Variants in NPR3 observed in about 807,000 individuals in gnomAD.
NPR3 encodes atrial natriuretic peptide receptor 3.
NPR3 carries 34 observed loss-of-function variants against 54.5 expected under a neutral mutation model. The ratio of observed to expected loss-of-function variants is 0.62; its 90% confidence interval spans 0.47 to 0.83. NPR3 has a LOEUF of 0.83. NPR3 is among the 40% of genes least tolerant of loss of function. The pLI is 0.00. For missense variants in NPR3, 674 were observed against 720.8 expected, an observed-to-expected ratio of 0.94 and a Z score of 0.74; for synonymous variants, 289 against 297.1, an observed-to-expected ratio of 0.97 and a Z score of 0.28.
intron 3 of NPR3, among the ~76,000 whole-genome samples, chr5:32,754,619 A>AT (rs570603844): frequency 1.3e-5 from 2 of 151,902 alleles, no homozygotes; most frequent in African/African-American, 2.4e-5. Context: ...TTATCTTCTG[A>AT]TTTTTTTTCT....
intron 4 of NPR3, among the ~76,000 whole-genome samples, chr5:32,777,240 G>A (rs991628262): frequency 1.3e-4 from 20 of 152,170 alleles, no homozygotes; most frequent in Non-Finnish European, 2.5e-4. Flanking sequence ...GGTCCTTATG[G>A]CTGCTATGTG....
At chr5:32,777,354 C>T (rs1167142954) in intron 4 of NPR3, among the ~76,000 whole-genome samples, 5 of 152,214 alleles carry the variant, frequency 3.3e-5, no homozygotes, top group African/African-American at 1.2e-4. Context: ...AACTAGTAAC[C>T]TTGTCCTCTG....
chr5:32,730,760 G>C (rs1739407149), intron 2 of NPR3, among the ~76,000 whole-genome samples: 1 of 152,128 alleles, frequency 6.6e-6, no homozygotes, highest in Non-Finnish European at 1.5e-5. Context: ...ATTAAAAAAT[G>C]TCTAAGTTTT....
chr5:32,710,174 C>G (rs183417982), upstream of NPR3: 1 of 152,298 alleles, frequency 6.6e-6, no homozygotes, highest in African/African-American at 2.4e-5. Context: ...TCCCTCCGGT[C>G]TCCACCGCTG....
chr5:32,776,639 T>G (rs985874311), intron 4 of NPR3, among the ~76,000 whole-genome samples: 5 of 152,194 alleles, frequency 3.3e-5, no homozygotes, highest in African/African-American at 1.2e-4. Flanking sequence ...GCCTTGCAGA[T>G]ATCAACTCTA....
rs145072115 is a variant in NPR3 at position 32,789,487 on chromosome 5, C to T, written c.*3142C>T. 10 of 534,574 alleles carry T rather than the reference C, an allele frequency of 1.9e-5. No homozygotes were observed. The highest frequency in any genetic ancestry group is 3.5e-5 in the Non-Finnish European group (9 of 260,092). The allele number at this position is 534,574 out of a possible 1,614,324, so 33.1% of individuals were successfully genotyped here. A position where few individuals can be genotyped will look rare whatever the true frequency, so the allele number is the denominator to read the frequency against. On this transcript the variant is annotated 3_prime_UTR_variant, in exon 8 of 8. Transcript: ENST00000265074. ...AACCACAGGAATGGTTCTACAGACC[C>T]TACTATAATTCTTCACATTTCAGAA...
chr5:32,754,376 A>C (rs544448495), intron 3 of NPR3, among the ~76,000 whole-genome samples: 1 of 151,940 alleles, frequency 6.6e-6, no homozygotes, highest in South Asian at 2.1e-4. Context: ...AAGCTCAAGC[A>C]CTTTGAGTGA....
intron 2 of NPR3, among the ~76,000 whole-genome samples, chr5:32,735,386 G>A (rs773686035): frequency 6.6e-6 from 1 of 150,880 alleles, no homozygotes; most frequent in Non-Finnish European, 1.5e-5. Flanking sequence ...CTCACGCACA[G>A]TGCTCTGCCT....
rs1561087735 is a variant in NPR3, at chr5:32,726,188, T to TCC, written c.892+1368_892+1369insCC. Among the ~76,000 whole-genome samples the TCC allele has an allele frequency of 2.6e-5, 4 of 152,308 alleles. No individual in the cohort carries two copies. In the South Asian group the frequency reaches 8.3e-4, roughly 32 times the overall value. On this transcript the variant is annotated intron_variant, in intron 2 of 7. Transcript: ENST00000265074. Reference sequence around the variant, plus strand: ...AGCTTCACTTCCCAGTTCTTGCTGATGAGATATAGTTGGACAGGATCTAAA... The same window carrying TCC: ...AGCTTCACTTCCCAGTTCTTGCTGATCCGAGATATAGTTGGACAGGATCTAAA...
At chr5:32,718,438 C>G (rs534971911) in intron 1 of NPR3, among the ~76,000 whole-genome samples, 5 of 152,276 alleles carry the variant, frequency 3.3e-5, no homozygotes, top group Admixed American at 2.0e-4. Context: ...GGCAATATGG[C>G]CATTTTCATG....
At chr5:32,775,843 C>T (rs1346761570) in intron 4 of NPR3, among the ~76,000 whole-genome samples, 1 of 152,100 alleles carries the variant, frequency 6.6e-6, no homozygotes, top group African/African-American at 2.4e-5. Context: ...GGTGATCCAC[C>T]CACCTTGGCC....
intron 3 of NPR3, among the ~76,000 whole-genome samples, chr5:32,740,163 T>C (rs183758736): frequency 6.6e-6 from 1 of 152,376 alleles, no homozygotes; most frequent in Admixed American, 6.5e-5. Context: ...CTAGTTTCTC[T>C]ACTTGAGGTA....
chr5:32,731,311 CCATATTTGCT>C (rs1324458740), intron 2 of NPR3, among the ~76,000 whole-genome samples: 4 of 152,146 alleles, frequency 2.6e-5, no homozygotes, highest in Non-Finnish European at 5.9e-5. Context: ...ACCTTTTACG[CCATATTTGCT>C]CAGACTTTGT....
intron 3 of NPR3, among the ~76,000 whole-genome samples, chr5:32,741,236 G>A (rs962536430): frequency 1.3e-5 from 2 of 151,868 alleles, no homozygotes; most frequent in African/African-American, 4.8e-5. Flanking sequence ...TGGGCAACAT[G>A]GTAAAACCTC....
intron 4 of NPR3, among the ~76,000 whole-genome samples, chr5:32,776,931 C>T (rs578235547): frequency 1.2e-4 from 19 of 152,058 alleles, no homozygotes; most frequent in South Asian, 4.2e-4. Flanking sequence ...AGTAGAGACC[C>T]GAGGGAAGTG....
chr5:32,723,227 T>G (rs114638150), intron 1 of NPR3, among the ~76,000 whole-genome samples: 2 of 152,196 alleles, frequency 1.3e-5, no homozygotes, highest in Admixed American at 1.3e-4. Context: ...ACAGTATGTG[T>G]GCAGCAAAAC....
chr5:32,733,198 T>C (rs1739557312), intron 2 of NPR3, among the ~76,000 whole-genome samples: 1 of 152,078 alleles, frequency 6.6e-6, no homozygotes, highest in African/African-American at 2.4e-5. Flanking sequence ...AAAAAAAACA[T>C]ATTGATAGTG....
rs1447452285 is a variant in NPR3 at position 32,787,871 on chromosome 5, A to G, written c.*1526A>G. The G allele has an allele frequency of 1.3e-5, 2 of 152,344 alleles. No homozygotes were observed. The highest frequency in any genetic ancestry group is 3.9e-4 in the East Asian group (2 of 5,184). 9.4% of individuals were successfully genotyped at this position (152,344 alleles called of 1,614,324 possible). On this transcript the variant is annotated 3_prime_UTR_variant, in exon 8 of 8. Transcript: ENST00000265074. ...ATTACATAACTGGGGTCTTTCCTCA[A>G]TAACATTTTGAGCATCTGAAAAATA...
chr5:32,736,936 T>G (rs1739779280), intron 2 of NPR3, among the ~76,000 whole-genome samples: 1 of 152,248 alleles, frequency 6.6e-6, no homozygotes, highest in Non-Finnish European at 1.5e-5. Context: ...TGTAAGCAAT[T>G]AATAAATGGT....
Sources: gnomAD v4.1 joint callset for allele counts (sites outside exome capture counted in the v4.1 genomes callset) on GRCh38, gnomAD v4.1.1 for gene constraint, MANE v1.5 for transcripts, NCBI Gene and HGNC (gene_info 2026-07-23, HGNC 2026-07-21) for gene names.